Variants in MED23 observed in about 807,000 individuals in gnomAD.
MED23 encodes mediator complex subunit 23.
A neutral mutation model predicts 163.9 loss-of-function variants in MED23; 105 were observed. The observed-to-expected ratio is 0.64, with a 90% CI of 0.55 to 0.75. MED23 has a LOEUF of 0.75. MED23 is among the 30% of genes least tolerant of loss of function. The pLI, the probability that MED23 is intolerant of heterozygous loss-of-function variation, is 0.00. For synonymous variants in MED23, 561 were observed against 565.6 expected (o/e 0.99, Z 0.12); for missense variants, 1,054 against 1,649.0 (o/e 0.64, Z 6.25).
rs1012602666 is a variant in MED23, at chr6:131,598,142, C to T, written c.2607+145G>A. ...ACAAAAACAGAAATTGGAAAATTTCCGGCTCTTTAGGGAAGTGACAGCAAT... is the reference window on the plus strand; with the variant it reads ...ACAAAAACAGAAATTGGAAAATTTCTGGCTCTTTAGGGAAGTGACAGCAAT... On this transcript the variant is annotated intron_variant, in intron 20 of 28. Coordinates refer to ENST00000368068, the MANE Select transcript of MED23 (RefSeq NM_004830.4). The surrounding 1 kb of genome is among the most constrained non-coding windows in gnomAD (Gnocchi z 4.7). The T allele has an allele frequency of 1.3e-5, 11 of 853,602 alleles. No homozygotes were observed. Among genetic ancestry groups the T allele is most frequent in the African/African-American group, 5.2e-5 (3 of 57,680 alleles). The allele number at this position is 853,602 out of a possible 1,614,324, so 52.9% of individuals were successfully genotyped here.
intron 3 of MED23, among the ~76,000 whole-genome samples, chr6:131,626,122 C>CAA (rs138561737): frequency 1.6e-3 from 97 of 59,630 alleles, no homozygotes; most frequent in African/African-American, 4.4e-3. Context: ...ACTCTGTCTC[C>CAA]AAAAAAAAAA....
Position 131,612,598 on chromosome 6 carries a change from A to T in MED23, c.877-2352T>A, listed in dbSNP as rs150505112. Among the ~76,000 whole-genome samples the T allele has an allele frequency of 3.6e-4, 55 of 152,222 alleles. No homozygotes were observed. In the Middle Eastern group the frequency reaches 0.01, roughly 28 times the overall value. Reference sequence around the variant, plus strand: ...TTCAAAATACTGACATATATAGTTAAATTTGTTAGTGTACATCATAACTAT... The same window carrying T: ...TTCAAAATACTGACATATATAGTTATATTTGTTAGTGTACATCATAACTAT... On this transcript the variant is annotated intron_variant, in intron 10 of 28. Transcript: ENST00000368068.
rs1342339007 is a variant in MED23, at chr6:131,596,124, G to C, written c.2818C>G (p.Gln940Glu). 1 of 1,614,108 alleles carries C rather than the reference G, an allele frequency of 6.2e-7. No homozygotes were observed. Among genetic ancestry groups the C allele is most frequent in the South Asian group, 1.1e-5 (1 of 91,084 alleles). Residue 940 changes from glutamine (Q) to glutamate (E), a missense_variant, in exon 22 of 29, where the codon CAG becomes GAG. By Grantham distance (29) the Gln-to-Glu change is conservative (BLOSUM62 2). Around this residue, in one of 11 missense-constraint regions of MED23, gnomAD observed 228 missense variants for 461.3 expected, o/e 0.49. Coordinates refer to ENST00000368068, the MANE Select transcript of MED23 (RefSeq NM_004830.4). The part of the protein sequence containing the change: ...EKLYFEGLAE[Q>E]VDPPVQIQSP... ...TGGATCTGTACAGGAGGATCCACCT[G>C]TTCCGCGAGGCCCTCAAAATACAAC...
chr6:131,580,919 T>C (rs576944908), intron 30 of MED23, among the ~76,000 whole-genome samples: 3 of 152,246 alleles, frequency 2.0e-5, no homozygotes, highest in African/African-American at 7.2e-5. Context: ...AGTATTTTTA[T>C]ACTCATTTAT....
At chr6:131,587,935 A>C (rs1005063843) in intron 28 of MED23, 89 bp from the exon 29 acceptor site, 2 of 1,161,900 alleles carry the variant, frequency 1.7e-6, no homozygotes, top group Non-Finnish European at 2.5e-6. Flanking sequence ...ATCCGGAGAC[A>C]ATAAACTAAG....
At chr6:131,627,720 GGCGCCTCCCTTA>G in intron 1 of MED23, 48 bp from the exon 2 acceptor site, 1 of 1,553,610 alleles carries the variant, frequency 6.4e-7, no homozygotes, top group Non-Finnish European at 8.8e-7. Context: ...ATTTTAAAAA[GGCGCCTCCCTTA>G]GCCAAGTATT....
At chr6:131,584,888 A>G (rs1040761742), downstream of MED23, among the ~76,000 whole-genome samples, 1 of 151,182 alleles carries the variant, frequency 6.6e-6, no homozygotes, top group East Asian at 1.9e-4. Context: ...AGTCCCAGCT[A>G]CTCAGAAGGC....
At chr6:131,584,004 C>T (rs1774076708), downstream of MED23, 8 of 1,402,638 alleles carry the variant, frequency 5.7e-6, no homozygotes, top group East Asian at 1.7e-4. Context: ...AAGACTTGTT[C>T]TTTCAGAAAA....
chr6:131,583,669 T>C (rs981219335), downstream of MED23: 2 of 1,559,792 alleles, frequency 1.3e-6, no homozygotes, highest in African/African-American at 2.8e-5. Context: ...TGGATAATCT[T>C]TCAAGTCTGT....
chr6:131,579,497 G>A, intron 30 of MED23: 1 of 465,604 alleles, frequency 2.1e-6, no homozygotes, highest in Non-Finnish European at 3.8e-6. Context: ...TTTTGACCTA[G>A]TACAGCAGAA....
chr6:131,606,405 C>T (rs1379976366), intron 13 of MED23, 74 bp downstream of exon 13: 1 of 1,513,312 alleles, frequency 6.6e-7, no homozygotes, highest in African/African-American at 1.4e-5. Flanking sequence ...CACACAAACA[C>T]CGAGACCAAT....
At chr6:131,620,554 G>A (rs528783394) in intron 7 of MED23, 74 bp downstream of exon 7, 2 of 941,444 alleles carry the variant, frequency 2.1e-6, no homozygotes, top group Admixed American at 1.8e-5. Context: ...TCCCACCTTT[G>A]CCTCCCAAAG....
At chr6:131,621,323 TA>T (rs906082474) in intron 6 of MED23, among the ~76,000 whole-genome samples, 11 of 151,808 alleles carry the variant, frequency 7.2e-5, no homozygotes, top group Admixed American at 1.3e-4. Flanking sequence ...GTTATCATTA[TA>T]AAAAAATAAG....
rs758623991 is a variant in MED23 at position 131,593,171 on chromosome 6, G to A, written c.3233C>T (p.Thr1078Met). ...GGGACCAGGAGATTTGCCAGCCATC[G>A]GTGCACACAGTTAAAGCAATAACAA... ...YCRLIGRLVD[T>M]MAGKSPGPFP... The change falls in exon 24 of 29, where the codon ACG (threonine) becomes ATG (methionine). Residue 1078 changes from threonine (T) to methionine (M), a missense_variant and splice_region_variant. Physicochemically the swap from Thr to Met is moderately conservative, Grantham distance 81. Transcript: ENST00000368068. 8 of 1,613,964 alleles carry A rather than the reference G, an allele frequency of 5.0e-6. No homozygotes were observed. Among genetic ancestry groups the A allele is most frequent in the African/African-American group, 1.3e-5 (1 of 74,912 alleles).
intron 22 of MED23, 81 bp downstream of exon 22, chr6:131,595,866 G>T: frequency 3.0e-6 from 3 of 1,006,814 alleles, no homozygotes; most frequent in African/African-American, 1.6e-5. Flanking sequence ...AACCTTTAGA[G>T]CCACTATTAC....
Position 131,596,020 on chromosome 6 carries a change from A to G in MED23, c.2922T>C (p.Phe974=). 1 of 1,614,068 alleles carries G rather than the reference A, an allele frequency of 6.2e-7. No individual in the cohort carries two copies. Among genetic ancestry groups the G allele is most frequent in the Non-Finnish European group, 8.5e-7 (1 of 1,179,984 alleles). Residue 974 remains phenylalanine, a synonymous_variant, in exon 22 of 29, where the codon TTT becomes TTC. Coordinates refer to ENST00000368068, the MANE Select transcript of MED23 (RefSeq NM_004830.4). ...LPVFDIVIHR[F]LELLPVSKSL... ...ATTTGGATACCGGAAGCAACTCTAAAAATCTGTGGATTACTATATCAAATA... is the reference window on the plus strand; with the variant it reads ...ATTTGGATACCGGAAGCAACTCTAAGAATCTGTGGATTACTATATCAAATA...
At chr6:131,577,747 CA>C (rs200270063) in intron 30 of MED23, among the ~76,000 whole-genome samples, 2 of 149,300 alleles carry the variant, frequency 1.3e-5, no homozygotes, top group Admixed American at 1.3e-4. Flanking sequence ...AGTAAAAATA[CA>C]AAAAAAAATA....
At chr6:131,583,645 C>A, downstream of MED23, 1 of 1,525,670 alleles carries the variant, frequency 6.6e-7, no homozygotes, top group South Asian at 1.2e-5. Flanking sequence ...TCGGTTACTA[C>A]CTTTTTCTGT....
chr6:131,617,013 G>T (rs1776739584), intron 9 of MED23, among the ~76,000 whole-genome samples: 1 of 151,730 alleles, frequency 6.6e-6, no homozygotes, highest in Non-Finnish European at 1.5e-5. Flanking sequence ...TTGAGAAGTA[G>T]ATGAAACAGT....
Sources: gnomAD v4.1 joint callset for allele counts (sites outside exome capture counted in the v4.1 genomes callset) on GRCh38, gnomAD v4.1.1 for gene constraint, gnomAD v4.1.1 regional missense constraint, Gnocchi (gnomAD v3.1) non-coding constraint, MANE v1.5 for transcripts, NCBI Gene and HGNC (gene_info 2026-07-23, HGNC 2026-07-21) for gene names.